RHOBTB1: variants seen among roughly 807,000 people sequenced by gnomAD.
RHOBTB1 encodes Rho related BTB domain containing 1.
Under a neutral mutation model 71.6 loss-of-function variants are expected in RHOBTB1, and 40 were observed. The observed-to-expected ratio is 0.56, with a 90% CI of 0.43 to 0.73. RHOBTB1 has a LOEUF of 0.73. RHOBTB1 is among the 30% of genes least tolerant of loss of function. The pLI, the probability that RHOBTB1 is intolerant of heterozygous loss-of-function variation, is 0.00. For synonymous variants in RHOBTB1, 319 were observed against 334.9 expected (o/e 0.95, Z 0.52); for missense variants, 797 against 894.0 (o/e 0.89, Z 1.38).
intron 2 of RHOBTB1, among the ~76,000 whole-genome samples, chr10:60,967,442 G>A (rs1402896760): frequency 6.6e-6 from 1 of 151,982 alleles, no homozygotes; most frequent in Non-Finnish European, 1.5e-5. Flanking sequence ...ACAGGTGTGA[G>A]CCAGTGTGTC....
At chr10:60,918,806 C>T (rs967052038) in intron 2 of RHOBTB1, among the ~76,000 whole-genome samples, 7 of 150,768 alleles carry the variant, frequency 4.6e-5, no homozygotes, top group African/African-American at 1.2e-4. Flanking sequence ...AGTGCAATAG[C>T]GCAATCTTGG....
downstream of RHOBTB1, among the ~76,000 whole-genome samples, chr10:60,868,931 C>T (rs553182248): frequency 7.9e-4 from 120 of 152,354 alleles, no homozygotes; most frequent in African/African-American, 2.7e-3. Flanking sequence ...TAGCCTGTCA[C>T]TCAGAAAAGT....
At chr10:60,890,520 G>T (rs574290848) in intron 5 of RHOBTB1, among the ~76,000 whole-genome samples, 1 of 152,218 alleles carries the variant, frequency 6.6e-6, no homozygotes, top group East Asian at 1.9e-4. Context: ...CAGTGCTGGG[G>T]TTATGGCATA....
chr10:60,882,492 T>A (rs988089615), intron 7 of RHOBTB1, among the ~76,000 whole-genome samples: 15 of 152,196 alleles, frequency 9.9e-5, no homozygotes, highest in Non-Finnish European at 2.2e-4. Context: ...AGATACAATG[T>A]TTTCCTGAAT....
chr10:60,920,621 CTTTTT>C (rs66851123), intron 2 of RHOBTB1, among the ~76,000 whole-genome samples: 1 of 135,806 alleles, frequency 7.4e-6, no homozygotes, highest in Non-Finnish European at 1.6e-5. Context: ...TTCTGATTTG[CTTTTT>C]TTTTTTTTTT....
At chr10:61,000,038 G>A (rs998824519) in intron 1 of RHOBTB1, among the ~76,000 whole-genome samples, 1 of 152,178 alleles carries the variant, frequency 6.6e-6, no homozygotes, top group Non-Finnish European at 1.5e-5. Context: ...CATGGCATAA[G>A]CAGCTACATA....
At chr10:60,889,392 G>A (rs186803426) in intron 5 of RHOBTB1, among the ~76,000 whole-genome samples, 1 of 152,140 alleles carries the variant, frequency 6.6e-6, no homozygotes. Context: ...ATATTTCAGA[G>A]TTTCAATGCA....
chr10:60,887,580 A>G (rs2081647471), intron 6 of RHOBTB1, among the ~76,000 whole-genome samples: 1 of 152,248 alleles, frequency 6.6e-6, no homozygotes, highest in Admixed American at 6.5e-5. Context: ...ATAGTTATCA[A>G]AGGCAAAGGA....
intron 2 of RHOBTB1, among the ~76,000 whole-genome samples, chr10:60,985,165 T>A (rs988440201): frequency 6.6e-6 from 1 of 152,140 alleles, no homozygotes; most frequent in Non-Finnish European, 1.5e-5. Flanking sequence ...TTAGAACATA[T>A]AAACATATGA....
chr10:60,963,272 T>C (rs2085847984), intron 2 of RHOBTB1, among the ~76,000 whole-genome samples: 1 of 152,178 alleles, frequency 6.6e-6, no homozygotes, highest in Non-Finnish European at 1.5e-5. Flanking sequence ...AATTTTGATG[T>C]CATCAATCTT....
chr10:60,871,186 G>T lies in RHOBTB1; in HGVS notation c.*296C>A. 3.8e-6 allele frequency: 1 copy of T among 262,708 alleles called. No homozygotes were observed. The allele number at this position is 262,708 out of a possible 1,614,324, so 16.3% of individuals were successfully genotyped here. On this transcript the variant is annotated 3_prime_UTR_variant, in exon 11 of 11. Transcript: ENST00000337910. ...CATGAAAGCTGAATTTTTTTTCTTTGTATAAAAAGAAACAAAATAACAGAC... is the reference window on the plus strand; with the variant it reads ...CATGAAAGCTGAATTTTTTTTCTTTTTATAAAAAGAAACAAAATAACAGAC...
chr10:60,863,521 C>T, the RHOBTB1 span, among the ~76,000 whole-genome samples: 4 of 151,460 alleles, frequency 2.6e-5, no homozygotes, highest in Admixed American at 6.6e-5. Flanking sequence ...TGAGCTCCTC[C>T]GTGGGGTCTT....
intron 2 of RHOBTB1, among the ~76,000 whole-genome samples, chr10:60,916,361 C>CAGA (rs1249811244): frequency 6.6e-6 from 1 of 152,188 alleles, no homozygotes; most frequent in East Asian, 1.9e-4. Context: ...TTGGACCTTC[C>CAGA]AGCTCAGCCA....
At chr10:60,893,082 C>A in intron 4 of RHOBTB1, 87 bp from the exon 5 acceptor site, 1 of 907,974 alleles carries the variant, frequency 1.1e-6, no homozygotes, top group Non-Finnish European at 1.7e-6. Flanking sequence ...CCCCATCCTT[C>A]TAATGCCATC....
At chr10:60,918,561 G>A (rs998891586) in intron 2 of RHOBTB1, among the ~76,000 whole-genome samples, 2 of 152,124 alleles carry the variant, frequency 1.3e-5, no homozygotes, top group African/African-American at 2.4e-5. Context: ...TCAGGCAAGC[G>A]TGCAAGACTC....
intron 5 of RHOBTB1, among the ~76,000 whole-genome samples, chr10:60,890,358 A>T (rs992966022): frequency 6.6e-6 from 1 of 152,006 alleles, no homozygotes; most frequent in African/African-American, 2.4e-5. Context: ...TACATAACAC[A>T]ACTATGACCT....
intron 1 of RHOBTB1, among the ~76,000 whole-genome samples, chr10:60,992,105 A>C (rs926699233): frequency 4.6e-5 from 7 of 152,168 alleles, no homozygotes; most frequent in African/African-American, 1.7e-4. Flanking sequence ...TGGCATTTAA[A>C]AATCCAACTC....
intron 2 of RHOBTB1, among the ~76,000 whole-genome samples, chr10:60,960,677 C>A (rs1335027753): frequency 2.0e-5 from 3 of 152,102 alleles, no homozygotes; most frequent in Admixed American, 1.3e-4. Flanking sequence ...AGATCATAAT[C>A]CAAGTCGTAA....
At chr10:60,970,245 A>T (rs1283650860) in intron 2 of RHOBTB1, among the ~76,000 whole-genome samples, 6 of 152,122 alleles carry the variant, frequency 3.9e-5, no homozygotes, top group African/African-American at 1.4e-4. Flanking sequence ...AATTTTGCTT[A>T]TTATATTAAA....
Sources: gnomAD v4.1 joint callset for allele counts (sites outside exome capture counted in the v4.1 genomes callset) on GRCh38, gnomAD v4.1.1 for gene constraint, MANE v1.5 for transcripts, NCBI Gene and HGNC (gene_info 2026-07-23, HGNC 2026-07-21) for gene names.